The following TSHZ2 variants were observed in gnomAD, a reference collection of about 807,000 sequenced individuals.
The protein encoded by TSHZ2 is teashirt zinc finger homeobox 2, also known as teashirt homolog 2.
A neutral mutation model predicts 74.4 loss-of-function variants in TSHZ2; 21 were observed. The ratio of observed to expected loss-of-function variants is 0.28; its 90% confidence interval spans 0.20 to 0.41. TSHZ2 has a LOEUF of 0.41. Among genes scored for constraint, TSHZ2 ranks in the 10% least tolerant of loss-of-function variants. The probability of loss-of-function intolerance (pLI) is 1.00; values close to 1 mark genes in which losing one functional copy is unlikely to be tolerated. For synonymous variants in TSHZ2, 540 were observed against 515.3 expected, an observed-to-expected ratio of 1.05 and a Z score of -0.65; for missense variants, 1,244 against 1,293.5, an observed-to-expected ratio of 0.96 and a Z score of 0.59.
chr20:53,016,129 G>A (rs147940710), intron 1 of TSHZ2, among the ~76,000 whole-genome samples: 11 of 152,204 alleles, frequency 7.2e-5, no homozygotes, highest in South Asian at 2.1e-4. Flanking sequence ...AAAATCATCC[G>A]TTTATTATCT....
In TSHZ2 at chr20:53,487,962, T is replaced by C. The variant is rs1023908709; in HGVS notation, c.*827T>C. The C allele has an allele frequency of 6.6e-5, 10 of 152,126 alleles. No individual in the cohort carries two copies. The highest frequency in any genetic ancestry group is 6.6e-4 in the Admixed American group (10 of 15,266). 9.4% of individuals were successfully genotyped at this position (152,126 alleles called of 1,614,324 possible). A position where few individuals can be genotyped will look rare whatever the true frequency, so the allele number is the denominator to read the frequency against. On this transcript the variant is annotated 3_prime_UTR_variant, in exon 3 of 3. Coordinates refer to ENST00000371497, the MANE Select transcript of TSHZ2 (RefSeq NM_173485.6). ...CTATGAGAACTGCAAATTGGGAGAA[T>C]AGGTGAAATGCAGAATCTGAGAGAA...
chr20:53,100,848 A>G (rs1469251670), intron 1 of TSHZ2, among the ~76,000 whole-genome samples: 1 of 152,198 alleles, frequency 6.6e-6, no homozygotes, highest in African/African-American at 2.4e-5. Context: ...AGAGCCACCA[A>G]CTAATTGCTT....
chr20:53,190,916 G>T (rs892260628), intron 1 of TSHZ2, among the ~76,000 whole-genome samples: 1 of 152,066 alleles, frequency 6.6e-6, no homozygotes. Flanking sequence ...GGGTCCCAGG[G>T]TACATTTTTT....
At chr20:53,070,788 T>C (rs1248732040) in intron 1 of TSHZ2, among the ~76,000 whole-genome samples, 1 of 152,214 alleles carries the variant, frequency 6.6e-6, no homozygotes, top group Non-Finnish European at 1.5e-5. Flanking sequence ...AAGAGCCTTT[T>C]TCTGTTTACA....
intron 2 of TSHZ2, among the ~76,000 whole-genome samples, chr20:53,342,135 A>G (rs968256985): frequency 6.6e-6 from 1 of 152,174 alleles, no homozygotes; most frequent in African/African-American, 2.4e-5. Context: ...CAACAAATGA[A>G]CCAGCACGGA....
chr20:53,323,603 T>C (rs956719820), intron 2 of TSHZ2, among the ~76,000 whole-genome samples: 45 of 111,034 alleles, frequency 4.1e-4, no homozygotes, highest in Non-Finnish European at 1.6e-4. Flanking sequence ...TTTGACAGAG[T>C]CATGCTCTGT....
chr20:53,093,900 G>A (rs528946875), intron 1 of TSHZ2, among the ~76,000 whole-genome samples: 4 of 151,870 alleles, frequency 2.6e-5, no homozygotes, highest in East Asian at 1.9e-4. Flanking sequence ...GACTTCAACC[G>A]TCTTCAAACT....
intron 2 of TSHZ2, among the ~76,000 whole-genome samples, chr20:53,296,000 G>A (rs2145469989): frequency 1.4e-5 from 2 of 142,070 alleles, no homozygotes; most frequent in African/African-American, 5.3e-5. Flanking sequence ...AGGTGAAGTT[G>A]AAGGATTCAT....
At chr20:53,091,427 G>A (rs571275619) in intron 1 of TSHZ2, among the ~76,000 whole-genome samples, 1 of 152,278 alleles carries the variant, frequency 6.6e-6, no homozygotes, top group South Asian at 2.1e-4. Flanking sequence ...TGAGCTTCCA[G>A]CAAAGCTACA....
chr20:53,054,281 T>A (rs1474001905), intron 1 of TSHZ2, among the ~76,000 whole-genome samples: 1 of 152,244 alleles, frequency 6.6e-6, no homozygotes, highest in Non-Finnish European at 1.5e-5. Context: ...AGAATTTGCC[T>A]GTCACTTGTT....
chr20:52,994,976 T>A (rs1277055581), intron 1 of TSHZ2, among the ~76,000 whole-genome samples: 1 of 152,216 alleles, frequency 6.6e-6, no homozygotes, highest in African/African-American at 2.4e-5. Context: ...ATATGCAAAC[T>A]GAGGCACAGA....
intron 1 of TSHZ2, among the ~76,000 whole-genome samples, chr20:53,080,096 C>A (rs1482962879): frequency 1.3e-5 from 2 of 152,120 alleles, no homozygotes; most frequent in Non-Finnish European, 2.9e-5. Flanking sequence ...TAGAATGATT[C>A]GAATCTTAAA....
intron 1 of TSHZ2, among the ~76,000 whole-genome samples, chr20:53,146,390 G>T (rs969114131): frequency 2.0e-5 from 3 of 152,136 alleles, no homozygotes; most frequent in African/African-American, 7.2e-5. Context: ...ATCATGCCCA[G>T]AGAGAGATAA....
chr20:52,988,240 C>G (rs960743970), intron 1 of TSHZ2, among the ~76,000 whole-genome samples: 2 of 152,132 alleles, frequency 1.3e-5, no homozygotes, highest in African/African-American at 4.8e-5. Context: ...CTAACATTTA[C>G]CAAGCACTGG....
chr20:53,493,160 T>C lies in TSHZ2; in HGVS notation c.*6025T>C, dbSNP rs1362976473. 2 of 152,268 alleles carry C rather than the reference T, an allele frequency of 1.3e-5. No homozygotes were observed. Among genetic ancestry groups the C allele is most frequent in the African/African-American group, 4.8e-5 (2 of 41,480 alleles). 9.4% of individuals were successfully genotyped at this position (152,268 alleles called of 1,614,324 possible). ...TGTATGAACACAGATTTTGTTATATTTGCTTGTTTCTGTTTCCTACCAAAC... is the reference window on the plus strand; with the variant it reads ...TGTATGAACACAGATTTTGTTATATCTGCTTGTTTCTGTTTCCTACCAAAC... On this transcript the variant is annotated 3_prime_UTR_variant, in exon 3 of 3. Coordinates refer to ENST00000371497, the MANE Select transcript of TSHZ2 (RefSeq NM_173485.6).
chr20:53,000,127 A>G (rs962875361), intron 1 of TSHZ2, among the ~76,000 whole-genome samples: 1 of 152,248 alleles, frequency 6.6e-6, no homozygotes, highest in Non-Finnish European at 1.5e-5. Flanking sequence ...AGTATCAGAT[A>G]TATGTTTCAA....
intron 1 of TSHZ2, among the ~76,000 whole-genome samples, chr20:53,013,573 T>A (rs915964238): frequency 1.3e-5 from 2 of 152,214 alleles, no homozygotes; most frequent in African/African-American, 2.4e-5. Flanking sequence ...TCTTTGCTAC[T>A]GCACCAGTAG....
chr20:53,048,484 C>T (rs1282162136), intron 1 of TSHZ2, among the ~76,000 whole-genome samples: 1 of 152,202 alleles, frequency 6.6e-6, no homozygotes, highest in Non-Finnish European at 1.5e-5. Flanking sequence ...TTAGCATCCA[C>T]GTTCCGTGCA....
intron 2 of TSHZ2, among the ~76,000 whole-genome samples, chr20:53,298,631 C>T (rs548908519): frequency 1.3e-5 from 2 of 152,260 alleles, no homozygotes; most frequent in East Asian, 3.9e-4. Flanking sequence ...AGCCAGGGTG[C>T]AGGGGATCTT....
Sources: gnomAD v4.1 joint callset for allele counts (sites outside exome capture counted in the v4.1 genomes callset) on GRCh38, gnomAD v4.1.1 for gene constraint, MANE v1.5 for transcripts, NCBI Gene and HGNC (gene_info 2026-07-23, HGNC 2026-07-21) for gene names.